MEGF10: variants seen among roughly 807,000 people sequenced by gnomAD.
MEGF10 encodes the protein multiple epidermal growth factor-like domains protein 10.
In MEGF10, 86 loss-of-function variants were observed where a neutral mutation model predicts 147.5. That is an observed-to-expected ratio of 0.58 (90% confidence interval 0.49 to 0.70). The LOEUF (loss-of-function observed/expected upper bound fraction) is 0.70. Among genes scored for constraint, MEGF10 ranks in the 30% least tolerant of loss-of-function variants. The pLI is 0.00. For synonymous variants in MEGF10, 478 were observed against 525.5 expected (o/e 0.91, Z 1.24); for missense variants, 1,329 against 1,487.3 (o/e 0.89, Z 1.75).
chr5:127,452,361 CAG>C lies in MEGF10; in HGVS notation c.2981-2202_2981-2201del, dbSNP rs138686610. Among the ~76,000 whole-genome samples the C allele has an allele frequency of 3.5e-3, 540 of 152,330 alleles. 2 individuals are homozygous for C. Among genetic ancestry groups the C allele is most frequent in the Non-Finnish European group, 5.8e-3 (392 of 68,026 alleles). On this transcript the variant is annotated intron_variant, in intron 22 of 24. Transcript: ENST00000503335. ...AGTATTTGGCAAAGAGGAGCATAGA[CAG>C]AGCTCCTTGATAAAGCTGTTCTCAG...
In MEGF10 at chr5:127,422,785, G is replaced by T; in HGVS notation, c.1693+13G>T. 5.0e-6 allele frequency: 8 copies of T among 1,608,036 alleles called. No homozygotes were observed. The highest frequency in any genetic ancestry group is 6.0e-6 in the Non-Finnish European group (7 of 1,175,390). On this transcript the variant is annotated intron_variant, in intron 13 of 24. Transcript: ENST00000503335. ...CCCGGATGGTCAGGTGAGAGCCAAG[G>T]ACCGCTAATTGAAAGGTGAAACCCG...
chr5:127,243,397 C>T, the MEGF10 span, among the ~76,000 whole-genome samples: 1 of 151,890 alleles, frequency 6.6e-6, no homozygotes, highest in African/African-American at 2.4e-5. Flanking sequence ...AAAATTTATC[C>T]CTCCCAAAAA....
chr5:127,385,067 G>T (rs192231655), intron 5 of MEGF10, among the ~76,000 whole-genome samples: 1 of 152,188 alleles, frequency 6.6e-6, no homozygotes, highest in Admixed American at 6.5e-5. Context: ...AAATTATTTT[G>T]GTCTCCTCTA....
At chr5:127,380,806 C>T (rs557338188) in intron 5 of MEGF10, among the ~76,000 whole-genome samples, 8 of 152,252 alleles carry the variant, frequency 5.3e-5, no homozygotes, top group South Asian at 4.1e-4. Context: ...TGTGAGCCAC[C>T]GCGCCCAGCT....
chr5:127,391,102 G>GCGCGCA (rs1426600414), intron 5 of MEGF10, among the ~76,000 whole-genome samples: 62 of 53,916 alleles, frequency 1.1e-3, no homozygotes, highest in African/African-American at 1.7e-3. Context: ...GCGCGCGCGC[G>GCGCGCA]CACACACACA....
intron 1 of MEGF10, among the ~76,000 whole-genome samples, chr5:127,306,993 T>A (rs924835873): frequency 2.3e-4 from 35 of 152,210 alleles, no homozygotes; most frequent in African/African-American, 7.7e-4. Flanking sequence ...TCATTGACAG[T>A]GATGCAGATT....
chr5:127,239,263 A>G, the MEGF10 span, among the ~76,000 whole-genome samples: 1 of 151,618 alleles, frequency 6.6e-6, no homozygotes, highest in Non-Finnish European at 1.5e-5. Context: ...ATTGGAACAC[A>G]TGGGAAATTT....
chr5:127,309,009 A>G (rs1561561269), intron 1 of MEGF10, among the ~76,000 whole-genome samples: 1 of 152,164 alleles, frequency 6.6e-6, no homozygotes, highest in Non-Finnish European at 1.5e-5. Flanking sequence ...ATTCTGGGAC[A>G]CTGGCCCAAG....
Position 127,391,153 on chromosome 5 carries a change from C to CACACACAT in MEGF10, c.413-5378_413-5377insCACACATA, listed in dbSNP as rs1342606828. 1.5e-4 allele frequency among the ~76,000 whole-genome samples: 6 copies of CACACACAT among 40,512 alleles called. No individual in the cohort carries two copies. The East Asian group carries it at 3.1e-3, about 21-fold the overall frequency. The allele number at this position is 40,512 out of a possible 152,430, so 26.6% of individuals were successfully genotyped here. On this transcript the variant is annotated intron_variant, in intron 5 of 24. Coordinates refer to ENST00000503335, the MANE Select transcript of MEGF10 (RefSeq NM_001256545.2). The stretch of plus-strand genomic sequence containing the variant: ...ACACACACACACACACACACACACA[C>CACACACAT]ATACATGCTTATTTCTTTAGGAAAA...
chr5:127,311,925 A>G (rs2126740573), intron 1 of MEGF10, among the ~76,000 whole-genome samples: 1 of 152,316 alleles, frequency 6.6e-6, no homozygotes, highest in Admixed American at 6.5e-5. Flanking sequence ...GAGGGACTAG[A>G]TATCCAGAGA....
the MEGF10 span, among the ~76,000 whole-genome samples, chr5:127,274,449 A>G: frequency 6.6e-6 from 1 of 152,162 alleles, no homozygotes; most frequent in Non-Finnish European, 1.5e-5. Context: ...ATCTATGCTG[A>G]AGCATTTAGA....
chr5:127,324,896 GC>G (rs1258859728), intron 1 of MEGF10, among the ~76,000 whole-genome samples: 1 of 152,048 alleles, frequency 6.6e-6, no homozygotes, highest in Non-Finnish European at 1.5e-5. Context: ...TTGCCTTGTG[GC>G]CCCTCCTTGA....
intron 5 of MEGF10, among the ~76,000 whole-genome samples, chr5:127,390,478 A>C (rs1339791521): frequency 6.6e-6 from 1 of 152,040 alleles, no homozygotes; most frequent in Non-Finnish European, 1.5e-5. Flanking sequence ...TTTTGTAGAG[A>C]TAGGGGCTTG....
At chr5:127,338,693 C>T (rs2126797062) in intron 2 of MEGF10, among the ~76,000 whole-genome samples, 1 of 152,222 alleles carries the variant, frequency 6.6e-6, no homozygotes, top group South Asian at 2.1e-4. Flanking sequence ...GCAAAATGCA[C>T]TCTATTACTT....
chr5:127,343,909 T>C (rs1561583091), intron 4 of MEGF10, among the ~76,000 whole-genome samples: 1 of 152,144 alleles, frequency 6.6e-6, no homozygotes, highest in African/African-American at 2.4e-5. Flanking sequence ...GCTCACCTTG[T>C]GAAGGAGTCT....
chr5:127,291,509 G>T (rs1470474581), intron 1 of MEGF10, among the ~76,000 whole-genome samples: 5 of 152,076 alleles, frequency 3.3e-5, no homozygotes, highest in Non-Finnish European at 7.3e-5. Flanking sequence ...TCTTTCTCCC[G>T]TCCTTGGTAT....
intron 1 of MEGF10, among the ~76,000 whole-genome samples, chr5:127,329,665 A>T (rs1327452357): frequency 6.6e-6 from 1 of 152,118 alleles, no homozygotes; most frequent in Admixed American, 6.6e-5. Context: ...GCCAGCTCCC[A>T]CCCAGAAAAT....
Position 127,396,658 on chromosome 5 carries a change from A to T in MEGF10, c.539A>T (p.Asp180Val). 1 of 1,614,038 alleles carries T rather than the reference A, an allele frequency of 6.2e-7. No homozygotes were observed. The highest frequency in any genetic ancestry group is 8.5e-7 in the Non-Finnish European group (1 of 1,180,024). ...AAGFRGWRCEDRCEQGTYGND... is the reference protein window; with the variant it reads ...AAGFRGWRCEVRCEQGTYGND... Reference sequence around the variant, plus strand: ...GGCTTCCGGGGCTGGCGCTGCGAGGACCGCTGTGAGCAGGGCACCTATGGT... The same window carrying T: ...GGCTTCCGGGGCTGGCGCTGCGAGGTCCGCTGTGAGCAGGGCACCTATGGT... The change falls in exon 6 of 25, where the codon GAC becomes GTC. Residue 180 changes from aspartate to valine, a missense_variant. Physicochemically the swap from Asp to Val is radical, Grantham distance 152. Coordinates refer to ENST00000503335, the MANE Select transcript of MEGF10 (RefSeq NM_001256545.2).
chr5:127,402,506 C>A, intron 7 of MEGF10, 40 bp from the exon 8 acceptor site: 2 of 1,594,926 alleles, frequency 1.3e-6, no homozygotes, highest in Non-Finnish European at 1.7e-6. Context: ...CTTTCCCTGG[C>A]TGGAGGCCCA....
Sources: gnomAD v4.1 joint callset for allele counts (sites outside exome capture counted in the v4.1 genomes callset) on GRCh38, gnomAD v4.1.1 for gene constraint, MANE v1.5 for transcripts, NCBI Gene and HGNC (gene_info 2026-07-23, HGNC 2026-07-21) for gene names.